The following GTPBP10 variants were observed in gnomAD, a reference collection of about 807,000 sequenced individuals.
The protein encoded by GTPBP10 is GTP binding protein 10.
A neutral mutation model predicts 44.8 loss-of-function variants in GTPBP10; 38 were observed. The ratio of observed to expected loss-of-function variants is 0.85; its 90% CI spans 0.65 to 1.11. The LOEUF is 1.11. Among genes scored for constraint, GTPBP10 ranks in the 50% most tolerant of loss-of-function variants. The pLI is 0.00. For synonymous variants in GTPBP10, 152 were observed against 150.6 expected (o/e 1.01, Z -0.07); for missense variants, 462 against 453.7 (o/e 1.02, Z -0.17).
chr7:90,390,044 G>A lies in GTPBP10; in HGVS notation c.*4890G>A, dbSNP rs1190427552. On this transcript the variant is annotated 3_prime_UTR_variant, in exon 10 of 10. Transcript: ENST00000222511. ...ATCCTCATGGAATCCTCCCACTTCA[G>A]TCTCTGAAAGTGCTAGGATTATAGG... 6.6e-6 allele frequency: 1 copy of A among 152,208 alleles called. No individual in the cohort carries two copies. The highest frequency in any genetic ancestry group is 1.5e-5 in the Non-Finnish European group (1 of 68,044). The allele number at this position is 152,208 out of a possible 1,614,324, so 9.4% of individuals were successfully genotyped here.
intron 8 of GTPBP10, 125 bp from the exon 9 acceptor site, chr7:90,382,831 G>T: frequency 1.8e-6 from 1 of 541,906 alleles, no homozygotes; most frequent in Non-Finnish European, 3.1e-6. Context: ...GTTTTCTGTT[G>T]TTGGGATTTA....
chr7:90,362,850 G>A (rs1366045167), intron 4 of GTPBP10, among the ~76,000 whole-genome samples: 1 of 152,170 alleles, frequency 6.6e-6, no homozygotes, highest in African/African-American at 2.4e-5. Context: ...AGGATAGTTA[G>A]CTCTTCTTGT....
At chr7:90,377,414 T>C (rs1796359081) in intron 6 of GTPBP10, 93 bp from the exon 7 acceptor site, 1 of 751,760 alleles carries the variant, frequency 1.3e-6, no homozygotes. Flanking sequence ...AGGAACTGTT[T>C]ATATTTGAAA....
chr7:90,355,182 G>A lies in GTPBP10; in HGVS notation c.416G>A (p.Arg139Gln), dbSNP rs774098926. Reference protein sequence around the residue: ...TNFLPLKGQKRIIHLDLKLIA... With the variant: ...TNFLPLKGQKQIIHLDLKLIA... ...TTCTTACCATTGAAAGGCCAGAAAC[G>A]AATAATTCACCTTGATCTAAAACTT... The change falls in exon 4 of 10, where the codon CGA becomes CAA. Residue 139 changes from arginine (R) to glutamine (Q), a missense_variant. Physicochemically the swap from Arg to Gln is conservative, Grantham distance 43. Coordinates refer to ENST00000222511, the MANE Select transcript of GTPBP10 (RefSeq NM_033107.4). 1.1e-5 allele frequency: 18 copies of A among 1,604,064 alleles called. No individual in the cohort carries two copies. Among genetic ancestry groups the A allele is most frequent in the South Asian group, 2.2e-5 (2 of 89,998 alleles).
At chr7:90,377,841 G>A (rs1796367434) in intron 7 of GTPBP10, 1 of 252,566 alleles carries the variant, frequency 4.0e-6, no homozygotes, top group Non-Finnish European at 6.3e-6. Context: ...ATATTATATA[G>A]TATCATAGTA....
intron 4 of GTPBP10, among the ~76,000 whole-genome samples, chr7:90,364,876 G>A (rs1244893275): frequency 6.6e-6 from 1 of 152,180 alleles, no homozygotes; most frequent in African/African-American, 2.4e-5. Flanking sequence ...TTCGATCTCA[G>A]ACTGCTGTGC....
At chr7:90,351,633 C>G (rs538250491) in intron 1 of GTPBP10, among the ~76,000 whole-genome samples, 6 of 152,142 alleles carry the variant, frequency 3.9e-5, no homozygotes. Context: ...AGTGGACACA[C>G]GCAGCTCAAA....
In GTPBP10 at chr7:90,372,123, C is replaced by T. The variant is rs1421008694; in HGVS notation, c.465-32C>T. ...AGGAATTCAGAGATAATAATATTGACATTTGTGTATAATTTTATATTCTTG... is the reference window on the plus strand; with the variant it reads ...AGGAATTCAGAGATAATAATATTGATATTTGTGTATAATTTTATATTCTTG... On this transcript the variant is annotated intron_variant, in intron 4 of 9. Transcript: ENST00000222511. 2.3e-6 allele frequency: 3 copies of T among 1,312,712 alleles called. No homozygotes were observed. The Admixed American group carries it at 5.3e-5, about 23-fold the overall frequency. The allele number at this position is 1,312,712 out of a possible 1,614,324, so 81.3% of individuals were successfully genotyped here.
rs534205083 is a variant in GTPBP10 at position 90,388,078 on chromosome 7, A to T, written c.*2924A>T. 9.9e-5 allele frequency: 15 copies of T among 152,266 alleles called. No homozygotes were observed. The highest frequency in any genetic ancestry group is 4.6e-4 in the Admixed American group (7 of 15,292). The allele number at this position is 152,266 out of a possible 1,614,324, so 9.4% of individuals were successfully genotyped here. On this transcript the variant is annotated 3_prime_UTR_variant, in exon 10 of 10. Coordinates refer to ENST00000222511, the MANE Select transcript of GTPBP10 (RefSeq NM_033107.4). ...CCATGACTAACCGAAACATTTTATT[A>T]TGTGACTCACTAAGATGTTCAATTC...
intron 4 of GTPBP10, among the ~76,000 whole-genome samples, chr7:90,360,195 T>C (rs1795987040): frequency 6.6e-6 from 1 of 152,190 alleles, no homozygotes; most frequent in South Asian, 2.1e-4. Flanking sequence ...TTTGGTGTTT[T>C]AGACATGAAG....
chr7:90,367,556 A>G (rs1393507972), intron 4 of GTPBP10, among the ~76,000 whole-genome samples: 1 of 151,748 alleles, frequency 6.6e-6, no homozygotes, highest in Non-Finnish European at 1.5e-5. Context: ...GTCTCTTTTG[A>G]TCTTTGTTGG....
At chr7:90,370,363 T>C (rs1796233533) in intron 4 of GTPBP10, among the ~76,000 whole-genome samples, 1 of 152,020 alleles carries the variant, frequency 6.6e-6, no homozygotes, top group Non-Finnish European at 1.5e-5. Flanking sequence ...TGTGTGTATC[T>C]ATATATACAC....
At chr7:90,362,688 G>T (rs934518490) in intron 4 of GTPBP10, among the ~76,000 whole-genome samples, 1 of 152,156 alleles carries the variant, frequency 6.6e-6, no homozygotes, top group Non-Finnish European at 1.5e-5. Flanking sequence ...TGGATATCCT[G>T]GTTAACTTTC....
chr7:90,350,837 A>G (rs1436903444), intron 1 of GTPBP10, among the ~76,000 whole-genome samples: 4 of 152,204 alleles, frequency 2.6e-5, no homozygotes, highest in African/African-American at 7.2e-5. Flanking sequence ...AATCTGTGGT[A>G]GATATCAAGC....
At chr7:90,365,147 A>G (rs561550830) in intron 4 of GTPBP10, among the ~76,000 whole-genome samples, 106 of 152,242 alleles carry the variant, frequency 7.0e-4, no homozygotes, top group African/African-American at 2.4e-3. Context: ...TGCACCCACT[A>G]TCCAACAAGC....
chr7:90,363,283 T>C (rs1796064397), intron 4 of GTPBP10, among the ~76,000 whole-genome samples: 1 of 152,242 alleles, frequency 6.6e-6, no homozygotes, highest in Non-Finnish European at 1.5e-5. Flanking sequence ...CGGTTGTTCC[T>C]TTCCATGTTT....
In GTPBP10 at chr7:90,390,952, T is replaced by C. The variant is rs1796604057; in HGVS notation, c.*5798T>C. On this transcript the variant is annotated 3_prime_UTR_variant, in exon 10 of 10. Transcript: ENST00000222511. ...AATATTTTAAATCAAGGGCAGACAT[T>C]GAGTAAAAGCTTATGACTTTGGATG... 6.6e-6 allele frequency: 1 copy of C among 152,144 alleles called. No homozygotes were observed. The highest frequency in any genetic ancestry group is 1.5e-5 in the Non-Finnish European group (1 of 68,014). 9.4% of individuals were successfully genotyped at this position (152,144 alleles called of 1,614,324 possible). A position where few individuals can be genotyped will look rare whatever the true frequency, so the allele number is the denominator to read the frequency against.
rs1796561991 is a variant in GTPBP10 at position 90,388,431 on chromosome 7, A to G, written c.*3277A>G. The stretch of plus-strand genomic sequence containing the variant: ...CCCAGTAGTTCTTGCAGAGCTTTCT[A>G]TAATATCAGATTTATTTACCATCAT... On this transcript the variant is annotated 3_prime_UTR_variant, in exon 10 of 10. Coordinates refer to ENST00000222511, the MANE Select transcript of GTPBP10 (RefSeq NM_033107.4). 6.7e-6 allele frequency: 1 copy of G among 149,384 alleles called. No homozygotes were observed. The highest frequency in any genetic ancestry group is 1.5e-5 in the Non-Finnish European group (1 of 67,690). 9.3% of individuals were successfully genotyped at this position (149,384 alleles called of 1,614,324 possible).
chr7:90,358,230 G>A (rs534899711), intron 4 of GTPBP10, among the ~76,000 whole-genome samples: 1 of 152,218 alleles, frequency 6.6e-6, no homozygotes, highest in South Asian at 2.1e-4. Flanking sequence ...AACCAAGGTC[G>A]AGAAAGATCT....
Sources: gnomAD v4.1 joint callset for allele counts (sites outside exome capture counted in the v4.1 genomes callset) on GRCh38, gnomAD v4.1.1 for gene constraint, MANE v1.5 for transcripts, NCBI Gene and HGNC (gene_info 2026-07-23, HGNC 2026-07-21) for gene names.